SCN4B: variants seen among roughly 807,000 people sequenced by gnomAD.
The protein encoded by SCN4B is sodium channel regulatory subunit beta-4.
Under a neutral mutation model 19.6 loss-of-function variants are expected in SCN4B, and 20 were observed. The observed-to-expected ratio is 1.02, with a 90% CI of 0.72 to 1.48. The LOEUF (loss-of-function observed/expected upper bound fraction) is 1.48. Ranked by LOEUF, SCN4B falls within the 40% of genes most tolerant of loss-of-function variation. The pLI is 0.00. For synonymous variants in SCN4B, 127 were observed against 122.8 expected (o/e 1.03, Z -0.22); for missense variants, 271 against 287.5 (o/e 0.94, Z 0.42).
chr11:118,138,568 T>C (rs1448379603), intron 4 of SCN4B, among the ~76,000 whole-genome samples: 1 of 152,162 alleles, frequency 6.6e-6, no homozygotes, highest in Non-Finnish European at 1.5e-5. Flanking sequence ...CCCACCGAAC[T>C]GTATTCCACG....
rs968667424 is a variant in SCN4B, at chr11:118,136,616, C to G, written c.*411G>C. On this transcript the variant is annotated 3_prime_UTR_variant, in exon 5 of 5. Transcript: ENST00000324727. ...AAAGGAAGCCACTTCTTCCTACACC[C>G]CATCTCCAGGGTGCAGCTCTTAGGA... 6 of 455,768 alleles carry G rather than the reference C, an allele frequency of 1.3e-5. No individual in the cohort carries two copies. Among genetic ancestry groups the G allele is most frequent in the Admixed American group, 1.2e-4 (5 of 42,598 alleles). 28.2% of individuals were successfully genotyped at this position (455,768 alleles called of 1,614,324 possible). A position where few individuals can be genotyped will look rare whatever the true frequency, so the allele number is the denominator to read the frequency against.
At chr11:118,145,440 T>G in intron 1 of SCN4B, 1 of 1,493,518 alleles carries the variant, frequency 6.7e-7, no homozygotes, top group Non-Finnish European at 8.9e-7. Context: ...GACTGAATTC[T>G]GGACCAGGGA....
intron 2 of SCN4B, 152 bp downstream of exon 2, chr11:118,144,905 C>A (rs990275720): frequency 2.5e-6 from 2 of 795,096 alleles, no homozygotes; most frequent in South Asian, 1.4e-5. Flanking sequence ...TCCTTCCTGG[C>A]AGGCTCTGAA....
At position 118,145,248 on chromosome 11, in the gene SCN4B, C is replaced by A. The variant is rs762630021; in HGVS notation, c.62-19G>T. 5.6e-5 allele frequency: 90 copies of A among 1,613,696 alleles called. 2 individuals carry two copies. In the South Asian group the frequency reaches 9.7e-4, roughly 17 times the overall value. ...AAGAGGCCTGTGTAAGGAGCACCGC[C>A]TCCCTTAATAAAACCCCACCAGCCT... On this transcript the variant is annotated intron_variant, in intron 1 of 4. Coordinates refer to ENST00000324727, the MANE Select transcript of SCN4B (RefSeq NM_174934.4).
At chr11:118,151,466 G>T (rs1375400918) in intron 1 of SCN4B, among the ~76,000 whole-genome samples, 1 of 152,180 alleles carries the variant, frequency 6.6e-6, no homozygotes. Flanking sequence ...TGACATCTGT[G>T]CCAAGGTACA....
At position 118,137,143 on chromosome 11, in the gene SCN4B, C is replaced by T. The variant is rs749229297; in HGVS notation, c.594-23G>A. The T allele has an allele frequency of 1.5e-4, 230 of 1,558,080 alleles. 2 individuals are homozygous for T. In the South Asian group the frequency reaches 2.5e-3, roughly 17 times the overall value. ...TTCCTGGAGAGGGAGAGAGAAGGGA[C>T]AGTGGTGAGGAGAGGAGCAAGAGTA... On this transcript the variant is annotated intron_variant, in intron 4 of 4. Coordinates refer to ENST00000324727, the MANE Select transcript of SCN4B (RefSeq NM_174934.4).
chr11:118,142,576 G>C (rs951338341), intron 3 of SCN4B, among the ~76,000 whole-genome samples: 16 of 152,028 alleles, frequency 1.1e-4, no homozygotes, highest in Admixed American at 2.0e-4. Flanking sequence ...AGAGGAGGAA[G>C]GTAATCTCCA....
rs745712541 is a variant in SCN4B at position 118,145,089 on chromosome 11, A to G, written c.202T>C (p.Trp68Arg). 3.1e-6 allele frequency: 5 copies of G among 1,614,082 alleles called. No homozygotes were observed. The highest frequency in any genetic ancestry group is 4.2e-6 in the Non-Finnish European group (5 of 1,180,012). ...AATGCGTCACTGCTGTTGTAGGTCC[A>G]CCGGAAGTGGAGGTCCTCGAAGCCA... ...CFGFEDLHFR[W>R]TYNSSDAFKI... The change falls in exon 2 of 5, where the codon TGG becomes CGG. Residue 68 changes from tryptophan to arginine, a missense_variant. Physicochemically the swap from Trp to Arg is moderately radical, Grantham distance 101. Coordinates refer to ENST00000324727, the MANE Select transcript of SCN4B (RefSeq NM_174934.4).
intron 1 of SCN4B, among the ~76,000 whole-genome samples, chr11:118,152,016 G>T (rs1307480263): frequency 6.6e-6 from 1 of 152,182 alleles, no homozygotes; most frequent in African/African-American, 2.4e-5. Context: ...CGTTCCTAAA[G>T]GGCCTTGAAT....
chr11:118,138,224 C>T (rs1020232642), intron 4 of SCN4B, among the ~76,000 whole-genome samples: 4 of 152,170 alleles, frequency 2.6e-5, no homozygotes, highest in African/African-American at 7.2e-5. Context: ...CCTACCCTCA[C>T]CCTGGGCTTG....
intron 1 of SCN4B, among the ~76,000 whole-genome samples, chr11:118,147,705 C>T (rs1352828007): frequency 6.6e-6 from 1 of 152,174 alleles, no homozygotes. Flanking sequence ...CTCCACAGCC[C>T]CCACAAACAG....
chr11:118,133,875 A>G lies in SCN4B; in HGVS notation c.*3152T>C, dbSNP rs1176499365. The stretch of plus-strand genomic sequence containing the variant: ...TGCCTTTGATTCTTTCTCAGTCTCC[A>G]GATGCCTCAACAGGCATAGCTCAGG... On this transcript the variant is annotated 3_prime_UTR_variant, in exon 5 of 5. Transcript: ENST00000324727. The G allele has an allele frequency of 4.4e-6, 2 of 454,340 alleles. No homozygotes were observed. The highest frequency in any genetic ancestry group is 4.0e-5 in the African/African-American group (2 of 50,000). 28.1% of individuals were successfully genotyped at this position (454,340 alleles called of 1,614,324 possible).
At position 118,134,491 on chromosome 11, in the gene SCN4B, T is replaced by A. The variant is rs1207687868; in HGVS notation, c.*2536A>T. Reference sequence around the variant, plus strand: ...TGACATGGGACAGGATGATTCTTTGTTGTGGGGACTAAGTTTAGCATTCTT... The same window carrying A: ...TGACATGGGACAGGATGATTCTTTGATGTGGGGACTAAGTTTAGCATTCTT... On this transcript the variant is annotated 3_prime_UTR_variant, in exon 5 of 5. Coordinates refer to ENST00000324727, the MANE Select transcript of SCN4B (RefSeq NM_174934.4). 1 of 454,016 alleles carries A rather than the reference T, an allele frequency of 2.2e-6. No homozygotes were observed. The highest frequency in any genetic ancestry group is 4.4e-6 in the Non-Finnish European group (1 of 226,802). The allele number at this position is 454,016 out of a possible 1,614,324, so 28.1% of individuals were successfully genotyped here. A position where few individuals can be genotyped will look rare whatever the true frequency, so the allele number is the denominator to read the frequency against.
At chr11:118,142,779 G>A (rs1056037619) in intron 3 of SCN4B, 3 of 152,144 alleles carry the variant, frequency 2.0e-5, no homozygotes, top group Non-Finnish European at 4.4e-5. Context: ...CAACTAACTC[G>A]GGATCTGGCA....
In SCN4B at chr11:118,133,914, C is replaced by T; in HGVS notation, c.*3113G>A. The T allele has an allele frequency of 2.2e-6, 1 of 454,472 alleles. No homozygotes were observed. The highest frequency in any genetic ancestry group is 1.6e-5 in the South Asian group (1 of 64,482). The allele number at this position is 454,472 out of a possible 1,614,324, so 28.2% of individuals were successfully genotyped here. On this transcript the variant is annotated 3_prime_UTR_variant, in exon 5 of 5. Coordinates refer to ENST00000324727, the MANE Select transcript of SCN4B (RefSeq NM_174934.4). ...GCATAGCTCAGGCCAAGAAAGACGGCTCCTCAAATGTCCAGCATCTGCCCA... is the reference window on the plus strand; with the variant it reads ...GCATAGCTCAGGCCAAGAAAGACGGTTCCTCAAATGTCCAGCATCTGCCCA...
intron 2 of SCN4B, 119 bp from the exon 3 acceptor site, chr11:118,144,180 G>A (rs1948138709): frequency 1.4e-6 from 1 of 730,468 alleles, no homozygotes; most frequent in Non-Finnish European, 2.5e-6. Context: ...ACCAGGAAGA[G>A]CCTGTAGTCA....
chr11:118,137,065 CAGGCA>C lies in SCN4B; in HGVS notation c.644_648del (p.Leu215TrpfsTer19), dbSNP rs778693616. 6.2e-7 allele frequency: 1 copy of C among 1,614,060 alleles called. No homozygotes were observed. The highest frequency in any genetic ancestry group is 8.5e-7 in the Non-Finnish European group (1 of 1,179,904). On this transcript the variant is annotated frameshift_variant, in exon 5 of 5. Coordinates refer to ENST00000324727, the MANE Select transcript of SCN4B (RefSeq NM_174934.4). LOFTEE classifies it high-confidence loss of function. ...GGTGGTTTCTCCTCTGCCTTGGAGC[CAGGCA>C]AGCCGTTCTCCGTGTTGTCATTCCC...
rs79071006 is a variant in SCN4B, at chr11:118,137,020, G to A, written c.*7C>T. On this transcript the variant is annotated 3_prime_UTR_variant, in exon 5 of 5. Coordinates refer to ENST00000324727, the MANE Select transcript of SCN4B (RefSeq NM_174934.4). ...GCTCCCTGCAGCTGCTCAGCCCGAA[G>A]CAGGGCTCACACTTTTGAAGGTGGT... The A allele has an allele frequency of 5.8e-5, 93 of 1,604,316 alleles. No homozygotes were observed. The East Asian group carries it at 2.1e-3, about 35-fold the overall frequency.
chr11:118,145,213 G>A lies in SCN4B; in HGVS notation c.78C>T (p.Pro26=), dbSNP rs1326784999. The A allele has an allele frequency of 5.0e-6, 8 of 1,613,954 alleles. No individual in the cohort carries two copies. The highest frequency in any genetic ancestry group is 5.9e-6 in the Non-Finnish European group (7 of 1,180,016). ...CAGACACCTCCAGCGACAGGGTTAC[G>A]GGGAGCAGGAAGAGGCCTGTGTAAG... is the stretch of plus-strand genomic sequence containing the variant. ...GTGLLGLFLL[P]VTLSLEVSVG... The change falls in exon 2 of 5, where the codon CCC becomes CCT. Residue 26 remains proline, a synonymous_variant. Coordinates refer to ENST00000324727, the MANE Select transcript of SCN4B (RefSeq NM_174934.4).
Sources: allele counts gnomAD v4.1 joint callset (sites outside exome capture counted in the v4.1 genomes callset), GRCh38; gene constraint gnomAD v4.1.1; transcripts MANE v1.5; gene names NCBI Gene and HGNC (gene_info 2026-07-23, HGNC 2026-07-21).